TRPS1: variants seen among roughly 807,000 people sequenced by gnomAD.
The protein encoded by TRPS1 is zinc finger transcription factor Trps1.
Under a neutral mutation model 101.2 loss-of-function variants are expected in TRPS1, and 6 were observed. The observed-to-expected ratio is 0.06, with a 90% CI of 0.03 to 0.12. TRPS1 has a LOEUF of 0.12. Among genes scored for constraint, TRPS1 ranks in the 10% least tolerant of loss-of-function variants. TRPS1 has a pLI of 1.00. For synonymous variants in TRPS1, 578 were observed against 589.8 expected, an observed-to-expected ratio of 0.98 and a Z score of 0.29; for missense variants, 1,363 against 1,567.0, an observed-to-expected ratio of 0.87 and a Z score of 2.20.
At chr8:115,569,066 C>T (rs559762527) in intron 5 of TRPS1, among the ~76,000 whole-genome samples, 2 of 152,180 alleles carry the variant, frequency 1.3e-5, no homozygotes, top group Non-Finnish European at 2.9e-5. Flanking sequence ...TACTACATCA[C>T]GGTTAGATGA....
intron 5 of TRPS1, among the ~76,000 whole-genome samples, chr8:115,519,821 A>G (rs1336451248): frequency 1.3e-5 from 2 of 151,734 alleles, no homozygotes; most frequent in Non-Finnish European, 3.0e-5. Context: ...ACAGTTCAAA[A>G]GAAAAGAAGA....
At chr8:115,451,739 C>T (rs1006455196) in intron 5 of TRPS1, among the ~76,000 whole-genome samples, 2 of 152,158 alleles carry the variant, frequency 1.3e-5, no homozygotes, top group African/African-American at 2.4e-5. Context: ...GGGTATCGTT[C>T]GTTTGTTTTC....
chr8:115,582,869 A>G (rs1288536769), intron 5 of TRPS1, among the ~76,000 whole-genome samples: 1 of 152,152 alleles, frequency 6.6e-6, no homozygotes, highest in Non-Finnish European at 1.5e-5. Flanking sequence ...TGCTCTAATA[A>G]CTACAGCATT....
chr8:115,628,443 A>G (rs910812904), intron 1 of TRPS1, among the ~76,000 whole-genome samples: 3 of 151,856 alleles, frequency 2.0e-5, no homozygotes, highest in African/African-American at 7.2e-5. Context: ...AATTACACAC[A>G]CACACACACA....
intron 1 of TRPS1, among the ~76,000 whole-genome samples, chr8:115,661,185 A>G (rs1563676759): frequency 6.6e-6 from 1 of 152,048 alleles, no homozygotes; most frequent in Admixed American, 6.6e-5. Flanking sequence ...ATTTAAAAAA[A>G]TTCCTTAGTA....
At chr8:115,528,241 C>T (rs1816048229) in intron 5 of TRPS1, among the ~76,000 whole-genome samples, 1 of 152,058 alleles carries the variant, frequency 6.6e-6, no homozygotes, top group African/African-American at 2.4e-5. Context: ...AGTTGTTACA[C>T]TCCCCTTTGT....
intron 5 of TRPS1, among the ~76,000 whole-genome samples, chr8:115,555,839 C>T (rs966782601): frequency 5.0e-5 from 7 of 141,230 alleles, no homozygotes; most frequent in African/African-American, 2.0e-4. Flanking sequence ...CTCGTCTCTA[C>T]AAAAAATACA....
chr8:115,643,794 G>C (rs1319507539), intron 1 of TRPS1, among the ~76,000 whole-genome samples: 1 of 152,180 alleles, frequency 6.6e-6, no homozygotes, highest in African/African-American at 2.4e-5. Context: ...TCCACCAGAG[G>C]AATCACTATG....
intron 5 of TRPS1, among the ~76,000 whole-genome samples, chr8:115,462,105 A>C: frequency 6.6e-6 from 1 of 152,184 alleles, no homozygotes. Context: ...AAATGAATGA[A>C]ATTCATAATG....
Position 115,456,205 on chromosome 8 carries a change from G to A in TRPS1, c.2701-37753C>T, listed in dbSNP as rs573675576. Among the ~76,000 whole-genome samples, 24 of 152,280 alleles carry A rather than the reference G, an allele frequency of 1.6e-4. No homozygotes were observed. The South Asian group carries it at 4.8e-3, about 30-fold the overall frequency. On this transcript the variant is annotated intron_variant, in intron 5 of 6. Transcript: ENST00000395715. Reference sequence around the variant, plus strand: ...TCTATTAGGTATCCTGTGCAACGAAGTGTGGAATATAAAGTGGAGAAGTAA... The same window carrying A: ...TCTATTAGGTATCCTGTGCAACGAAATGTGGAATATAAAGTGGAGAAGTAA...
intron 1 of TRPS1, among the ~76,000 whole-genome samples, chr8:115,625,539 T>C (rs1317197383): frequency 1.3e-5 from 2 of 151,926 alleles, no homozygotes; most frequent in East Asian, 1.9e-4. Context: ...CTTCCCCCAA[T>C]ATTCATTCAT....
rs1180666539 is a variant in TRPS1 at position 115,476,048 on chromosome 8, T to C, written c.2701-57596A>G. 5.9e-4 allele frequency among the ~76,000 whole-genome samples: 9 copies of C among 15,174 alleles called. 3 individuals are homozygous for C. Among genetic ancestry groups the C allele is most frequent in the Non-Finnish European group, 7.6e-4 (9 of 11,778 alleles). The allele number at this position is 15,174 out of a possible 152,430, so 10.0% of individuals were successfully genotyped here. A position where few individuals can be genotyped will look rare whatever the true frequency, so the allele number is the denominator to read the frequency against. On this transcript the variant is annotated intron_variant, in intron 5 of 6. Transcript: ENST00000395715. ...TTTTTTTTTTTTTTGAGACGGAGTC[T>C]CGCTCTGTCGCCCAGGCTGGAGTGC...
At chr8:115,667,547 T>C (rs1245248477) in intron 1 of TRPS1, among the ~76,000 whole-genome samples, 1 of 152,160 alleles carries the variant, frequency 6.6e-6, no homozygotes, top group African/African-American at 2.4e-5. Context: ...GCGCGACACA[T>C]GGCGCATCAA....
At chr8:115,572,484 C>T (rs887068857) in intron 5 of TRPS1, among the ~76,000 whole-genome samples, 1 of 151,940 alleles carries the variant, frequency 6.6e-6, no homozygotes, top group Admixed American at 6.6e-5. Flanking sequence ...TTTTTTCTCA[C>T]TCTGTGGTAC....
In TRPS1 at chr8:115,549,754, TAG is replaced by T. The variant is rs1375782274; in HGVS notation, c.2700+37245_2700+37246del. Among the ~76,000 whole-genome samples the T allele has an allele frequency of 9.2e-4, 140 of 152,100 alleles. 2 individuals are homozygous for T. Among genetic ancestry groups the T allele is most frequent in the Admixed American group, 8.9e-3 (136 of 15,276 alleles). ...CAGGAAGTGTTAAATTAGAGTAAAT[TAG>T]AGTTTTACTGGATAAACTCAAGAAT... On this transcript the variant is annotated intron_variant, in intron 5 of 6. Transcript: ENST00000395715.
intron 3 of TRPS1, among the ~76,000 whole-genome samples, chr8:115,607,532 A>G (rs1394064283): frequency 6.6e-6 from 1 of 151,822 alleles, no homozygotes; most frequent in African/African-American, 2.4e-5. Context: ...CCTTCATACT[A>G]TTGACTGCTC....
At chr8:115,551,801 A>G (rs1816711740) in intron 5 of TRPS1, among the ~76,000 whole-genome samples, 1 of 152,202 alleles carries the variant, frequency 6.6e-6, no homozygotes, top group Non-Finnish European at 1.5e-5. Context: ...AGTAAAATGC[A>G]TTTTATAATC....
At chr8:115,447,231 T>C (rs904677849) in intron 5 of TRPS1, among the ~76,000 whole-genome samples, 1 of 152,172 alleles carries the variant, frequency 6.6e-6, no homozygotes, top group African/African-American at 2.4e-5. Flanking sequence ...ACCTTTGCCC[T>C]ATCCTTGCTC....
chr8:115,442,598 T>A (rs1054797596), intron 5 of TRPS1, among the ~76,000 whole-genome samples: 2 of 151,782 alleles, frequency 1.3e-5, no homozygotes, highest in Admixed American at 6.6e-5. Context: ...TGTGCATGTG[T>A]GTGTTTGGGG....
Sources: gnomAD v4.1 joint callset for allele counts (sites outside exome capture counted in the v4.1 genomes callset) on GRCh38, gnomAD v4.1.1 for gene constraint, MANE v1.5 for transcripts, NCBI Gene and HGNC (gene_info 2026-07-23, HGNC 2026-07-21) for gene names.